Variants in WRN observed in about 807,000 individuals in gnomAD.
WRN encodes the protein bifunctional 3'-5' exonuclease/ATP-dependent helicase WRN.
In WRN, 149 loss-of-function variants were observed where a neutral mutation model predicts 180.7. The ratio of observed to expected loss-of-function variants is 0.82; its 90% CI spans 0.72 to 0.94. The LOEUF (loss-of-function observed/expected upper bound fraction) is 0.94. WRN is among the 40% of genes least tolerant of loss of function. WRN has a pLI of 0.00. For synonymous variants in WRN, 548 were observed against 568.9 expected (o/e 0.96, Z 0.52); for missense variants, 1,661 against 1,700.1 (o/e 0.98, Z 0.40).
intron 13 of WRN, among the ~76,000 whole-genome samples, chr8:31,090,140 C>T (rs1813689731): frequency 1.3e-5 from 2 of 151,212 alleles, no homozygotes; most frequent in Non-Finnish European, 3.0e-5. Flanking sequence ...TTTCCCTTTT[C>T]AGTCAGTCCT....
intron 18 of WRN, among the ~76,000 whole-genome samples, chr8:31,109,616 A>G (rs1801227814): frequency 6.6e-6 from 1 of 152,196 alleles, no homozygotes; most frequent in South Asian, 2.1e-4. Context: ...AACAATATTT[A>G]TGATAGTTGA....
chr8:31,126,729 G>A (rs959314026), intron 23 of WRN, among the ~76,000 whole-genome samples: 1 of 151,966 alleles, frequency 6.6e-6, no homozygotes, highest in African/African-American at 2.4e-5. Flanking sequence ...TAAAAACAAA[G>A]CAGCATGCAG....
chr8:31,083,588 A>T (rs1247437052), intron 9 of WRN, 111 bp from the exon 10 acceptor site: 1 of 707,266 alleles, frequency 1.4e-6, no homozygotes, highest in Non-Finnish European at 2.5e-6. Context: ...TATATCCATT[A>T]GGGAAGAGGA....
At chr8:31,161,572 C>T in intron 33 of WRN, among the ~76,000 whole-genome samples, 1 of 152,156 alleles carries the variant, frequency 6.6e-6, no homozygotes, top group South Asian at 2.1e-4. Context: ...GGCATGGTGG[C>T]TCACGCCTGT....
At position 31,096,790 on chromosome 8, in the gene WRN, G is replaced by GTAACT; in HGVS notation, c.1922_1926dup (p.Pro643Ter). ...CAGAGGTAAATACCGGATTGTATAC[G>GTAACT]TAACTCCAGAATACTGTTCAGGTAA... On this transcript the variant is annotated frameshift_variant, in exon 17 of 35. Coordinates refer to ENST00000298139, the MANE Select transcript of WRN (RefSeq NM_000553.6). LOFTEE classifies it high-confidence loss of function. 6.2e-7 allele frequency: 1 copy of GTAACT among 1,608,394 alleles called. No individual in the cohort carries two copies. The highest frequency in any genetic ancestry group is 8.5e-7 in the Non-Finnish European group (1 of 1,179,062).
chr8:31,147,093 C>T lies in WRN; in HGVS notation c.3424C>T (p.Gln1142Ter), dbSNP rs1454512341. The part of the protein sequence containing the change: ...QSPEKAYSSS[Q>*]PVISAQEQET... Reference sequence around the variant, plus strand: ...ACCAGAAAAAGCTTACAGTTCCTCACAGCCTGTTATTTCGGCACAAGAGCA... The same window carrying T: ...ACCAGAAAAAGCTTACAGTTCCTCATAGCCTGTTATTTCGGCACAAGAGCA... Residue 1142 changes from glutamine (Q) to a stop codon, truncating the protein, a stop_gained, in exon 29 of 35, where the codon CAG (glutamine) becomes TAG (stop). Coordinates refer to ENST00000298139, the MANE Select transcript of WRN (RefSeq NM_000553.6). LOFTEE classifies it high-confidence loss of function. The T allele has an allele frequency of 5.6e-6, 9 of 1,613,860 alleles. No homozygotes were observed. Among genetic ancestry groups the T allele is most frequent in the South Asian group, 1.1e-5 (1 of 91,070 alleles).
chr8:31,101,886 C>A (rs1246762095), intron 18 of WRN, among the ~76,000 whole-genome samples: 1 of 149,390 alleles, frequency 6.7e-6, no homozygotes, highest in Non-Finnish European at 1.5e-5. Flanking sequence ...AATAATAGCA[C>A]TGTTTTATTT....
rs747026081 is a variant in WRN, at chr8:31,100,896, G to A, written c.2029G>A (p.Gly677Arg). 1.6e-4 allele frequency: 259 copies of A among 1,613,870 alleles called. 1 individual carries two copies. The highest frequency in any genetic ancestry group is 2.1e-4 in the Non-Finnish European group (243 of 1,179,992). The stretch of plus-strand genomic sequence containing the variant: ...TGAGGCTCACTGTATTTCTGAGTGG[G>A]GGCATGATTTTAGGGATTCATTCAG... ...VDEAHCISEW[G>R]HDFRDSFRKL... Residue 677 changes from glycine to arginine, a missense_variant, in exon 18 of 35, where the codon GGG (glycine) becomes AGG (arginine). Physicochemically the swap from Gly to Arg is moderately radical, Grantham distance 125 (BLOSUM62 -2). Around this residue, in one of 3 missense-constraint regions of WRN, gnomAD observed 1,141 missense variants for 1,149.4 expected, o/e 0.99. Coordinates refer to ENST00000298139, the MANE Select transcript of WRN (RefSeq NM_000553.6).
At chr8:31,154,562 A>C (rs1803297573) in intron 31 of WRN, 62 bp from the exon 32 acceptor site, 1 of 1,524,626 alleles carries the variant, frequency 6.6e-7, no homozygotes, top group South Asian at 1.2e-5. Flanking sequence ...TAATTATCAT[A>C]CATATATTCT....
At chr8:31,089,364 T>G (rs1409222667) in intron 13 of WRN, among the ~76,000 whole-genome samples, 1 of 152,036 alleles carries the variant, frequency 6.6e-6, no homozygotes, top group Admixed American at 6.6e-5. Context: ...AGTGATAATC[T>G]TATCTATTTT....
chr8:31,132,242 C>A, intron 23 of WRN, 123 bp from the exon 24 acceptor site: 2 of 1,184,998 alleles, frequency 1.7e-6, no homozygotes, highest in Non-Finnish European at 1.2e-6. Context: ...TTATTCATAG[C>A]TTCTGAAGCA....
chr8:31,059,163 G>A lies in WRN; in HGVS notation c.107G>A (p.Arg36Gln), dbSNP rs34084741. The A allele has an allele frequency of 1.5e-4, 243 of 1,613,470 alleles. No homozygotes were observed. In the African/African-American group the frequency reaches 3.0e-3, roughly 20 times the overall value. The change falls in exon 3 of 35, where the codon CGG (arginine) becomes CAG (glutamine). Residue 36 changes from arginine to glutamine, a missense_variant. Arg to Gln is a conservative substitution (Grantham distance 43, BLOSUM62 1). Coordinates refer to ENST00000298139, the MANE Select transcript of WRN (RefSeq NM_000553.6). ...TTTACTAAACTCAAGGCATGTGTTC[G>A]GAAGAGTGTTTTTGAAGATGACCTC... ...CAVEERKACV[R>Q]KSVFEDDLPF...
chr8:31,141,308 T>C, intron 24 of WRN, 122 bp from the exon 25 acceptor site: 1 of 1,236,382 alleles, frequency 8.1e-7, no homozygotes, highest in South Asian at 1.3e-5. Context: ...TATAACATTT[T>C]TGTAGGTTTT....
At chr8:31,141,975 A>T (rs1444903963) in intron 26 of WRN, among the ~76,000 whole-genome samples, 200 bp downstream of exon 26, 1 of 151,738 alleles carries the variant, frequency 6.6e-6, no homozygotes, top group Non-Finnish European at 1.5e-5. Flanking sequence ...TAAGAGACAG[A>T]GTCTCTCTGT....
chr8:31,122,787 A>AAATGTAGG (rs1375615855), intron 21 of WRN, among the ~76,000 whole-genome samples: 1 of 151,000 alleles, frequency 6.6e-6, no homozygotes, highest in Non-Finnish European at 1.5e-5. Context: ...GAGATTAGTT[A>AAATGTAGG]AATGTAGGTC....
chr8:31,164,157 A>T (rs1163029310), intron 33 of WRN, among the ~76,000 whole-genome samples: 9 of 152,106 alleles, frequency 5.9e-5, no homozygotes. Flanking sequence ...TTCTTTTGAT[A>T]GTACACTCAT....
At chr8:31,047,561 T>A (rs933370130) in intron 1 of WRN, among the ~76,000 whole-genome samples, 5 of 152,146 alleles carry the variant, frequency 3.3e-5, no homozygotes, top group Non-Finnish European at 7.3e-5. Context: ...TAACTGATCT[T>A]TACCTGAATG....
At chr8:31,081,762 T>A (rs1813321574) in intron 9 of WRN, among the ~76,000 whole-genome samples, 1 of 152,100 alleles carries the variant, frequency 6.6e-6, no homozygotes, top group African/African-American at 2.4e-5. Flanking sequence ...ATTTTTTTCT[T>A]TTTTCTTTCT....
rs917326106 is a variant in WRN at position 31,174,678 on chromosome 8, AATTCTTCTTCTG to A, written c.*1588_*1599del. Among the ~76,000 whole-genome samples, 1 of 151,336 alleles carries A rather than the reference AATTCTTCTTCTG, an allele frequency of 6.6e-6. No homozygotes were observed. The highest frequency in any genetic ancestry group is 2.4e-5 in the African/African-American group (1 of 41,160). On this transcript the variant is annotated 3_prime_UTR_variant, in exon 35 of 35. Coordinates refer to ENST00000298139, the MANE Select transcript of WRN (RefSeq NM_000553.6). ...CTTCGCTTTCACTACTACTACTACT[AATTCTTCTTCTG>A]ATTCTTCTTCTTCTCCTTCTTCCTT... is the stretch of plus-strand genomic sequence containing the variant.
Sources: gnomAD v4.1 joint callset for allele counts (sites outside exome capture counted in the v4.1 genomes callset) on GRCh38, gnomAD v4.1.1 for gene constraint, gnomAD v4.1.1 regional missense constraint, MANE v1.5 for transcripts, NCBI Gene and HGNC (gene_info 2026-07-23, HGNC 2026-07-21) for gene names.